SLAMF6: variants seen among roughly 807,000 people sequenced by gnomAD.
The protein encoded by SLAMF6 is NK-T-B-antigen.
A neutral mutation model predicts 38.3 loss-of-function variants in SLAMF6; 21 were observed. The ratio of observed to expected loss-of-function variants is 0.55; its 90% CI spans 0.39 to 0.79. SLAMF6 has a LOEUF of 0.79. Ranked by LOEUF, SLAMF6 falls within the 30% of genes least tolerant of loss-of-function variation. The pLI is 0.00. For missense variants in SLAMF6, 341 were observed against 385.3 expected, an observed-to-expected ratio of 0.89 and a Z score of 0.96; for synonymous variants, 152 against 146.3, an observed-to-expected ratio of 1.04 and a Z score of -0.28.
At chr1:160,506,301 CAAT>C (rs1247039058) in intron 1 of SLAMF6, among the ~76,000 whole-genome samples, 3 of 151,908 alleles carry the variant, frequency 2.0e-5, no homozygotes, top group African/African-American at 7.3e-5. Flanking sequence ...AAGTCATGCT[CAAT>C]AAAATCAACA....
intron 4 of SLAMF6, 127 bp from the exon 5 acceptor site, chr1:160,490,363 G>A (rs1227301543): frequency 8.9e-6 from 13 of 1,460,524 alleles, no homozygotes; most frequent in Admixed American, 5.6e-5. Context: ...CCCTGAGACA[G>A]GGTCCCACTT....
rs1653186307 is a variant in SLAMF6 at position 160,489,866 on chromosome 1, G to T, written c.796+332C>A. On this transcript the variant is annotated intron_variant, in intron 5 of 7. Transcript: ENST00000368057. The stretch of plus-strand genomic sequence containing the variant: ...ATGCAGTCAGACAGTTTGGTTTTGT[G>T]CCTTGGATGCTCTAATCCTGCCTGT... Among the ~76,000 whole-genome samples the T allele has an allele frequency of 2.0e-5, 3 of 152,174 alleles. No homozygotes were observed. In the South Asian group the frequency reaches 6.2e-4, roughly 32 times the overall value.
rs551710930 is a variant in SLAMF6 at position 160,520,393 on chromosome 1, A to G, written c.49+2751T>C. ...TGACTGAAGTCCATTGGAATTTAGA[A>G]CCTTGCTGCTTAGTGTGGTCCATGG... On this transcript the variant is annotated intron_variant, in intron 1 of 7. Coordinates refer to ENST00000368057, the MANE Select transcript of SLAMF6 (RefSeq NM_001184714.2). 4.6e-5 allele frequency among the ~76,000 whole-genome samples: 7 copies of G among 152,290 alleles called. No individual in the cohort carries two copies. In the East Asian group the frequency reaches 9.6e-4, roughly 21 times the overall value.
intron 6 of SLAMF6, among the ~76,000 whole-genome samples, chr1:160,488,727 T>C (rs1653104484): frequency 6.6e-6 from 1 of 152,156 alleles, no homozygotes; most frequent in Non-Finnish European, 1.5e-5. Flanking sequence ...CTTTCAAACT[T>C]AGTGGAACTC....
chr1:160,496,014 G>T (rs1466324760), intron 2 of SLAMF6, 47 bp downstream of exon 2: 1 of 1,517,680 alleles, frequency 6.6e-7, no homozygotes, highest in Non-Finnish European at 9.0e-7. Context: ...TGGAATACAT[G>T]TATATTTTTC....
At chr1:160,520,683 G>A (rs1422273602) in intron 1 of SLAMF6, among the ~76,000 whole-genome samples, 1 of 152,148 alleles carries the variant, frequency 6.6e-6, no homozygotes. Context: ...TAAAGGAAAT[G>A]GGATTATTTT....
At chr1:160,490,747 G>A in intron 3 of SLAMF6, 62 bp from the exon 4 acceptor site, 1 of 1,583,876 alleles carries the variant, frequency 6.3e-7, no homozygotes, top group Non-Finnish European at 8.6e-7. Context: ...TGTTCTTGGA[G>A]CCTCCGTGGA....
Position 160,496,087 on chromosome 1 carries a change from A to T in SLAMF6, c.356T>A (p.Leu119Gln), listed in dbSNP as rs767571087. ...AQISTKTSAK[L>Q]SSYTLRILRQ... Reference sequence around the variant, plus strand: ...TAATATCCTCAGAGTGTAACTGGACAGCTTTGCAGAGGTCTTTGTGGATAT... The same window carrying T: ...TAATATCCTCAGAGTGTAACTGGACTGCTTTGCAGAGGTCTTTGTGGATAT... Residue 119 changes from leucine (L) to glutamine (Q), a missense_variant, in exon 2 of 8, where the codon CTG (leucine) becomes CAG (glutamine). Transcript: ENST00000368057. The T allele has an allele frequency of 6.2e-7, 1 of 1,613,436 alleles. No homozygotes were observed. Among genetic ancestry groups the T allele is most frequent in the South Asian group, 1.1e-5 (1 of 91,014 alleles).
chr1:160,514,392 C>T (rs1021489381), intron 1 of SLAMF6, among the ~76,000 whole-genome samples: 1 of 152,148 alleles, frequency 6.6e-6, no homozygotes, highest in African/African-American at 2.4e-5. Context: ...TGTAGACTCC[C>T]ACACAATAAT....
At position 160,490,596 on chromosome 1, in the gene SLAMF6, G is replaced by A. The variant is rs148686177; in HGVS notation, c.736C>T (p.Leu246Phe). ...CTGCCTCTTCTTTTCCTCAAAACAA[G>A]TAACAGCAGTATGATGAAACCGAAG... ...IVFGFIILLL[L>F]VLRKRRDSLS... The change falls in exon 4 of 8, where the codon CTT becomes TTT. Residue 246 changes from leucine (L) to phenylalanine (F), a missense_variant. Leu to Phe is a conservative substitution (Grantham distance 22). Coordinates refer to ENST00000368057, the MANE Select transcript of SLAMF6 (RefSeq NM_001184714.2). 6 of 1,613,444 alleles carry A rather than the reference G, an allele frequency of 3.7e-6. No individual in the cohort carries two copies. The African/African-American group carries it at 6.7e-5, about 18-fold the overall frequency.
At chr1:160,509,013 G>T (rs1230387743) in intron 1 of SLAMF6, among the ~76,000 whole-genome samples, 1 of 152,176 alleles carries the variant, frequency 6.6e-6, no homozygotes, top group Non-Finnish European at 1.5e-5. Context: ...AACAGATGCT[G>T]GAGAGGATAT....
chr1:160,490,073 G>T, intron 5 of SLAMF6, 125 bp downstream of exon 5: 1 of 1,084,944 alleles, frequency 9.2e-7, no homozygotes, highest in Non-Finnish European at 1.4e-6. Context: ...CACAGCATGT[G>T]GTCTGAGTAA....
intron 2 of SLAMF6, among the ~76,000 whole-genome samples, chr1:160,492,766 T>C (rs1007808529): frequency 6.6e-6 from 1 of 152,216 alleles, no homozygotes; most frequent in African/African-American, 2.4e-5. Context: ...AACTGCATCC[T>C]TCCTATCACT....
At chr1:160,517,601 C>T (rs905179222) in intron 1 of SLAMF6, among the ~76,000 whole-genome samples, 1 of 152,124 alleles carries the variant, frequency 6.6e-6, no homozygotes, top group Non-Finnish European at 1.5e-5. Context: ...CTGGAATCAA[C>T]CAAAATGCCC....
At chr1:160,501,976 G>A (rs1259313084) in intron 1 of SLAMF6, among the ~76,000 whole-genome samples, 1 of 152,148 alleles carries the variant, frequency 6.6e-6, no homozygotes, top group Non-Finnish European at 1.5e-5. Flanking sequence ...AATATGCTTA[G>A]GGACAGTGAA....
chr1:160,491,442 C>A (rs1653296206), intron 2 of SLAMF6, 54 bp from the exon 3 acceptor site: 1 of 1,569,518 alleles, frequency 6.4e-7, no homozygotes, highest in African/African-American at 1.4e-5. Flanking sequence ...TTGGCTCAAC[C>A]CCCTGTGAAA....
chr1:160,504,778 G>A (rs1003760353), intron 1 of SLAMF6, among the ~76,000 whole-genome samples: 1 of 152,200 alleles, frequency 6.6e-6, no homozygotes, highest in Non-Finnish European at 1.5e-5. Context: ...AAAAGCTGGG[G>A]AGAAAGATTC....
chr1:160,494,004 C>T (rs1035891551), intron 2 of SLAMF6, among the ~76,000 whole-genome samples: 3 of 152,134 alleles, frequency 2.0e-5, no homozygotes, highest in African/African-American at 7.2e-5. Context: ...GATTACAATT[C>T]GAGATGAGAT....
chr1:160,489,007 A>T, intron 6 of SLAMF6, 81 bp downstream of exon 6: 1 of 1,307,974 alleles, frequency 7.6e-7, no homozygotes, highest in Non-Finnish European at 1.1e-6. Context: ...TCATTTGTTC[A>T]GTCAGATGGT....
Sources: allele counts gnomAD v4.1 joint callset (sites outside exome capture counted in the v4.1 genomes callset), GRCh38; gene constraint gnomAD v4.1.1; transcripts MANE v1.5; gene names NCBI Gene and HGNC (gene_info 2026-07-23, HGNC 2026-07-21).